PDCD1LG2: variants seen among roughly 807,000 people sequenced by gnomAD.
The protein encoded by PDCD1LG2 is B7 dendritic cell molecule.
Under a neutral mutation model 28.2 loss-of-function variants are expected in PDCD1LG2, and 32 were observed. That is an observed-to-expected ratio of 1.13 (90% confidence interval 0.86 to 1.52). PDCD1LG2 has a LOEUF of 1.52. PDCD1LG2 is among the 40% of genes most tolerant of loss of function. The pLI is 0.00. For missense variants in PDCD1LG2, 385 were observed against 323.8 expected (o/e 1.19, Z -1.45); for synonymous variants, 116 against 120.2 (o/e 0.97, Z 0.23).
intron 3 of PDCD1LG2, among the ~76,000 whole-genome samples, chr9:5,540,788 A>C (rs1820672624): frequency 6.6e-6 from 1 of 152,228 alleles, no homozygotes; most frequent in African/African-American, 2.4e-5. Flanking sequence ...AGACATTCAA[A>C]GAAGAATTGG....
intron 2 of PDCD1LG2, among the ~76,000 whole-genome samples, chr9:5,525,554 CAT>C (rs774150138): frequency 6.6e-6 from 1 of 151,384 alleles, no homozygotes; most frequent in Non-Finnish European, 1.5e-5. Flanking sequence ...ATTACAAAAA[CAT>C]ATGACTACAT....
intron 3 of PDCD1LG2, among the ~76,000 whole-genome samples, chr9:5,538,023 AAT>A (rs1307957980): frequency 1.3e-5 from 2 of 152,212 alleles, no homozygotes; most frequent in African/African-American, 4.8e-5. Context: ...GTCAAACAAA[AAT>A]ATGTTACATT....
intron 4 of PDCD1LG2, among the ~76,000 whole-genome samples, chr9:5,556,666 T>C (rs908731285): frequency 1.2e-4 from 19 of 152,218 alleles, no homozygotes; most frequent in African/African-American, 4.1e-4. Flanking sequence ...TTGGGAGGAC[T>C]GAGCCCTTCC....
rs760948434 is a variant in PDCD1LG2, at chr9:5,534,829, G to C, written c.140G>C (p.Gly47Ala). The C allele has an allele frequency of 2.5e-6, 4 of 1,614,178 alleles. No individual in the cohort carries two copies. Residue 47 changes from glycine (G) to alanine (A), a missense_variant, in exon 3 of 7, where the codon GGA becomes GCA. Physicochemically the swap from Gly to Ala is moderately conservative, Grantham distance 60. Coordinates refer to ENST00000397747, the MANE Select transcript of PDCD1LG2 (RefSeq NM_025239.4). ...ACCCTGGAATGCAACTTTGACACTG[G>C]AAGTCATGTGAACCTTGGAGCAATA... ...NVTLECNFDTGSHVNLGAITA... is the reference protein window; with the variant it reads ...NVTLECNFDTASHVNLGAITA...
intron 3 of PDCD1LG2, among the ~76,000 whole-genome samples, chr9:5,543,548 A>G (rs1268012171): frequency 6.6e-6 from 1 of 151,076 alleles, no homozygotes; most frequent in Non-Finnish European, 1.5e-5. Context: ...CAAAAAAAAA[A>G]AAAAAAAAAA....
At chr9:5,537,335 A>G (rs1308050709) in intron 3 of PDCD1LG2, among the ~76,000 whole-genome samples, 1 of 152,188 alleles carries the variant, frequency 6.6e-6, no homozygotes, top group Non-Finnish European at 1.5e-5. Flanking sequence ...GGTTCTTCGG[A>G]TTCATGAATA....
chr9:5,542,294 C>T (rs1820701909), intron 3 of PDCD1LG2, among the ~76,000 whole-genome samples: 1 of 152,084 alleles, frequency 6.6e-6, no homozygotes, highest in Admixed American at 6.5e-5. Flanking sequence ...GACCAAGAAC[C>T]CAAAAGCAAA....
chr9:5,518,780 C>T (rs73386676), intron 1 of PDCD1LG2, among the ~76,000 whole-genome samples: 3,973 of 152,256 alleles, frequency 0.026, 86 homozygotes, highest in East Asian at 0.092. Context: ...CATCTTTACC[C>T]ATTCTCTTTT....
chr9:5,538,700 A>G (rs987459427), intron 3 of PDCD1LG2, among the ~76,000 whole-genome samples: 1 of 152,174 alleles, frequency 6.6e-6, no homozygotes, highest in Non-Finnish European at 1.5e-5. Context: ...AAAAAGAAAA[A>G]AAAAAAAAAG....
chr9:5,545,231 T>A (rs1816164277), intron 3 of PDCD1LG2, among the ~76,000 whole-genome samples: 2 of 152,208 alleles, frequency 1.3e-5, no homozygotes, highest in African/African-American at 4.8e-5. Flanking sequence ...GTTTAAGAGG[T>A]CATATAACTA....
At chr9:5,527,695 C>T (rs1369731466) in intron 2 of PDCD1LG2, among the ~76,000 whole-genome samples, 1 of 152,134 alleles carries the variant, frequency 6.6e-6, no homozygotes, top group Non-Finnish European at 1.5e-5. Context: ...TGCTAGGTCA[C>T]ATGGTAAGTG....
At chr9:5,563,110 C>A (rs2129946060) in intron 5 of PDCD1LG2, 52 bp from the exon 6 acceptor site, 1 of 1,390,960 alleles carries the variant, frequency 7.2e-7, no homozygotes, top group Non-Finnish European at 1.0e-6. Flanking sequence ...ATCTATAAGC[C>A]AAACAGTTTT....
chr9:5,533,473 C>T (rs973916029), intron 2 of PDCD1LG2, among the ~76,000 whole-genome samples: 1 of 152,082 alleles, frequency 6.6e-6, no homozygotes, highest in African/African-American at 2.4e-5. Context: ...GAAAATAAAG[C>T]AGTGTTATCA....
chr9:5,529,870 T>C (rs1043728478), intron 2 of PDCD1LG2, among the ~76,000 whole-genome samples: 3 of 152,308 alleles, frequency 2.0e-5, no homozygotes, highest in South Asian at 2.1e-4. Flanking sequence ...CATGTCTCCA[T>C]GCAGTCCTCC....
chr9:5,551,282 T>C (rs777849478), intron 4 of PDCD1LG2, among the ~76,000 whole-genome samples: 6 of 152,208 alleles, frequency 3.9e-5, no homozygotes, highest in Non-Finnish European at 7.3e-5. Context: ...GAAAATTCAC[T>C]ATATTGTCAT....
intron 1 of PDCD1LG2, among the ~76,000 whole-genome samples, chr9:5,514,841 G>A (rs140187054): frequency 1.0e-3 from 151 of 149,686 alleles, no homozygotes; most frequent in East Asian, 6.7e-3. Context: ...ATACAAGGTA[G>A]ACAAGAAATA....
chr9:5,562,036 G>A (rs1190057129), intron 5 of PDCD1LG2, among the ~76,000 whole-genome samples: 1 of 152,294 alleles, frequency 6.6e-6, no homozygotes, highest in Middle Eastern at 3.4e-3. Context: ...CCAAGCTCAG[G>A]ATAGTCATGA....
At chr9:5,513,468 T>C (rs1470625016) in intron 1 of PDCD1LG2, among the ~76,000 whole-genome samples, 3 of 152,264 alleles carry the variant, frequency 2.0e-5, no homozygotes, top group East Asian at 1.9e-4. Context: ...CTTCCAATTA[T>C]GGTACAATGT....
At chr9:5,548,671 T>A (rs1278240008) in intron 3 of PDCD1LG2, among the ~76,000 whole-genome samples, 1 of 152,176 alleles carries the variant, frequency 6.6e-6, no homozygotes, top group East Asian at 1.9e-4. Context: ...AAGAAGCAGG[T>A]GTGTGTATGA....
Sources: gnomAD v4.1 joint callset for allele counts (sites outside exome capture counted in the v4.1 genomes callset) on GRCh38, gnomAD v4.1.1 for gene constraint, MANE v1.5 for transcripts, NCBI Gene and HGNC (gene_info 2026-07-23, HGNC 2026-07-21) for gene names.